SLC4A4: variants seen among roughly 807,000 people sequenced by gnomAD.
SLC4A4 encodes the protein electrogenic sodium bicarbonate cotransporter 1.
In SLC4A4, 27 loss-of-function variants were observed where a neutral mutation model predicts 111.5. That is an observed-to-expected ratio of 0.24 (90% CI 0.18 to 0.33). The LOEUF (loss-of-function observed/expected upper bound fraction) is 0.33, where lower values mean the gene tolerates loss of function less well. Among genes scored for constraint, SLC4A4 ranks in the 10% least tolerant of loss-of-function variants. The pLI is 1.00. For missense variants in SLC4A4, 909 were observed against 1,315.5 expected (o/e 0.69, Z 4.78); for synonymous variants, 443 against 463.4 (o/e 0.96, Z 0.57).
At chr4:71,151,556 A>T (rs1346576302) in intron 2 of SLC4A4, among the ~76,000 whole-genome samples, 1 of 151,768 alleles carries the variant, frequency 6.6e-6, no homozygotes, top group Non-Finnish European at 1.5e-5. Context: ...TCCTCTGTTT[A>T]TTCTTTTTCA....
At chr4:71,454,511 A>G (rs1481418471) in intron 12 of SLC4A4, among the ~76,000 whole-genome samples, 1 of 152,128 alleles carries the variant, frequency 6.6e-6, no homozygotes, top group Non-Finnish European at 1.5e-5. Context: ...ATTATTGTAT[A>G]ACCTATGTGG....
At chr4:71,214,791 T>TCTGCCTGGCC (rs1718328043) in intron 1 of SLC4A4, among the ~76,000 whole-genome samples, 1 of 152,232 alleles carries the variant, frequency 6.6e-6, no homozygotes, top group African/African-American at 2.4e-5. Flanking sequence ...GGGCTTGGGC[T>TCTGCCTGGCC]CTGCCTGGCC....
intron 16 of SLC4A4, among the ~76,000 whole-genome samples, chr4:71,513,885 T>C (rs1732146849): frequency 6.6e-6 from 1 of 152,214 alleles, no homozygotes; most frequent in African/African-American, 2.4e-5. Context: ...TTGATTGAGA[T>C]GACTGTATGA....
At chr4:71,133,556 T>C (rs1743765266) in intron 2 of SLC4A4, among the ~76,000 whole-genome samples, 1 of 152,184 alleles carries the variant, frequency 6.6e-6, no homozygotes, top group Non-Finnish European at 1.5e-5. Context: ...GGTAGTCGTA[T>C]TCCTTACATT....
chr4:71,281,911 CT>C (rs1189926693), intron 3 of SLC4A4, among the ~76,000 whole-genome samples: 10 of 149,616 alleles, frequency 6.7e-5, no homozygotes, highest in African/African-American at 2.2e-4. Flanking sequence ...CATTTGATCT[CT>C]TTTTTCTCTT....
chr4:71,339,360 ACTTCTG>A lies in SLC4A4; in HGVS notation c.254-8_254-3del. Reference sequence around the variant, plus strand: ...GCCAATGTTTAACCACAGTATTTTCACTTCTGCAGTCTCTCCTGCTGCAGAACGCAT... The same window carrying A: ...GCCAATGTTTAACCACAGTATTTTCACAGTCTCTCCTGCTGCAGAACGCAT... On this transcript the variant is annotated splice_region_variant and splice_polypyrimidine_tract_variant and intron_variant, in intron 3 of 25. Transcript: ENST00000264485. 1 of 1,614,140 alleles carries A rather than the reference ACTTCTG, an allele frequency of 6.2e-7. No homozygotes were observed. Among genetic ancestry groups the A allele is most frequent in the Non-Finnish European group, 8.5e-7 (1 of 1,180,034 alleles).
chr4:71,416,136 G>A (rs542462067), intron 7 of SLC4A4, among the ~76,000 whole-genome samples: 1 of 152,272 alleles, frequency 6.6e-6, no homozygotes, highest in South Asian at 2.1e-4. Context: ...AGCTTAGCAT[G>A]GTGAAGCTTG....
At chr4:71,240,290 T>A (rs1720105290) in intron 2 of SLC4A4, among the ~76,000 whole-genome samples, 1 of 152,180 alleles carries the variant, frequency 6.6e-6, no homozygotes, top group Non-Finnish European at 1.5e-5. Flanking sequence ...AACTCCACCT[T>A]ATCCTTTGAG....
chr4:71,133,132 A>G (rs1415327258), intron 2 of SLC4A4, among the ~76,000 whole-genome samples: 1 of 152,200 alleles, frequency 6.6e-6, no homozygotes, highest in East Asian at 1.9e-4. Flanking sequence ...AATGAGTGAT[A>G]GCACTGAGTC....
chr4:71,093,782 G>T (rs1014557967), intron 2 of SLC4A4, among the ~76,000 whole-genome samples: 2 of 152,136 alleles, frequency 1.3e-5, no homozygotes, highest in Admixed American at 1.3e-4. Flanking sequence ...CTATTTGTTG[G>T]TCTTACAATG....
At chr4:71,220,653 T>C (rs1328167480) in intron 1 of SLC4A4, among the ~76,000 whole-genome samples, 2 of 152,200 alleles carry the variant, frequency 1.3e-5, no homozygotes, top group African/African-American at 4.8e-5. Flanking sequence ...GATAGTTATG[T>C]CTTATGGGTG....
intron 1 of SLC4A4, among the ~76,000 whole-genome samples, chr4:71,068,509 G>A (rs1484664005): frequency 6.6e-6 from 1 of 151,670 alleles, no homozygotes; most frequent in African/African-American, 2.4e-5. Context: ...ATAACCACTA[G>A]TCTGATTTTC....
chr4:71,275,240 A>G (rs1406486157), intron 3 of SLC4A4, among the ~76,000 whole-genome samples: 1 of 152,212 alleles, frequency 6.6e-6, no homozygotes, highest in Non-Finnish European at 1.5e-5. Context: ...CAGCAGAGTG[A>G]AACTATGAAT....
chr4:71,087,033 C>T (rs1290113551), intron 1 of SLC4A4, among the ~76,000 whole-genome samples: 2 of 151,910 alleles, frequency 1.3e-5, no homozygotes, highest in Admixed American at 1.3e-4. Flanking sequence ...TCCATCTGGT[C>T]CTGGACTTTT....
intron 2 of SLC4A4, among the ~76,000 whole-genome samples, chr4:71,250,368 C>T (rs1235097899): frequency 6.6e-6 from 1 of 152,080 alleles, no homozygotes; most frequent in Non-Finnish European, 1.5e-5. Flanking sequence ...AGAAATTCAG[C>T]TGAAAGAGTA....
chr4:71,422,401 C>T (rs1445910206), intron 7 of SLC4A4, among the ~76,000 whole-genome samples: 1 of 148,092 alleles, frequency 6.8e-6, no homozygotes, highest in Non-Finnish European at 1.5e-5. Context: ...CGAATTCTAC[C>T]AGAGGTACAA....
At chr4:71,472,559 G>C in intron 13 of SLC4A4, 140 bp from the exon 14 acceptor site, 2 of 815,136 alleles carry the variant, frequency 2.5e-6, no homozygotes, top group Non-Finnish European at 4.0e-6. Flanking sequence ...AGTGCTTTCT[G>C]GCTAAAGTAG....
intron 2 of SLC4A4, among the ~76,000 whole-genome samples, chr4:71,173,155 G>C (rs1744988911): frequency 6.6e-6 from 1 of 152,206 alleles, no homozygotes; most frequent in African/African-American, 2.4e-5. Context: ...TCTCATGTGA[G>C]ATAGCTGTGG....
intron 2 of SLC4A4, among the ~76,000 whole-genome samples, chr4:71,144,026 C>T (rs952168122): frequency 6.6e-6 from 1 of 152,192 alleles, no homozygotes; most frequent in African/African-American, 2.4e-5. Flanking sequence ...TTGCCCATGC[C>T]TATGTCCTGA....
Sources: gnomAD v4.1 joint callset for allele counts (sites outside exome capture counted in the v4.1 genomes callset) on GRCh38, gnomAD v4.1.1 for gene constraint, MANE v1.5 for transcripts, NCBI Gene and HGNC (gene_info 2026-07-23, HGNC 2026-07-21) for gene names.